TIMM23B: variants seen among roughly 807,000 people sequenced by gnomAD.
The protein encoded by TIMM23B is mitochondrial import inner membrane translocase subunit Tim23B.
A neutral mutation model predicts 27.3 loss-of-function variants in TIMM23B; 27 were observed. The ratio of observed to expected loss-of-function variants is 0.99; its 90% CI spans 0.73 to 1.36. The LOEUF (loss-of-function observed/expected upper bound fraction) is 1.36, where lower values mean the gene tolerates loss of function less well. Ranked by LOEUF, TIMM23B falls within the 40% of genes most tolerant of loss-of-function variation. The pLI is 0.00. For missense variants in TIMM23B, 205 were observed against 244.2 expected (o/e 0.84, Z 1.07); for synonymous variants, 73 against 92.4 (o/e 0.79, Z 1.21).
intron 3 of TIMM23B, 43 bp downstream of exon 3, chr10:49,952,262 T>C: frequency 1.3e-6 from 2 of 1,546,462 alleles, no homozygotes; most frequent in Admixed American, 1.7e-5. Context: ...TCAGTTCAAG[T>C]AGTTGAGGGT....
At chr10:49,956,884 AAC>A (rs1416036436) in intron 5 of TIMM23B, among the ~76,000 whole-genome samples, 1 of 147,922 alleles carries the variant, frequency 6.8e-6, no homozygotes, top group Non-Finnish European at 1.5e-5. Context: ...GAAAAAAAAA[AAC>A]AGTTTTTCCT....
Position 49,948,383 on chromosome 10 carries a change from A to G in TIMM23B, c.165+3293A>G, listed in dbSNP as rs1171133564. ...CTTGCGTATACTCCATACTCAAGAGAATTGAAAACCTCTGTGCACATAAGT... is the reference window on the plus strand; with the variant it reads ...CTTGCGTATACTCCATACTCAAGAGGATTGAAAACCTCTGTGCACATAAGT... On this transcript the variant is annotated intron_variant, in intron 2 of 6. Coordinates refer to ENST00000651259, the MANE Select transcript of TIMM23B (RefSeq NM_001290117.2). Among the ~76,000 whole-genome samples, 7 of 152,140 alleles carry G rather than the reference A, an allele frequency of 4.6e-5. No homozygotes were observed. The East Asian group carries it at 1.2e-3, about 25-fold the overall frequency.
rs1839813410 is a variant in TIMM23B, at chr10:49,959,015, A to G, written c.514+535A>G. Among the ~76,000 whole-genome samples, 7 of 152,320 alleles carry G rather than the reference A, an allele frequency of 4.6e-5. No homozygotes were observed. In the South Asian group the frequency reaches 1.4e-3, roughly 32 times the overall value. ...TGCATGTGCATTCTTTTATCAAGGA[A>G]TATTTGGGTTGCTTCTACCTTTTGG... On this transcript the variant is annotated intron_variant, in intron 6 of 6. Transcript: ENST00000651259.
Position 49,952,206 on chromosome 10 carries a change from G to C in TIMM23B, c.246G>C (p.Gly82=), listed in dbSNP as rs1255279171. 1.6e-3 allele frequency: 2,494 copies of C among 1,606,108 alleles called. 48 individuals carry two copies. In the South Asian group the frequency reaches 0.025, roughly 16 times the overall value. Residue 82 remains glycine, a synonymous_variant, in exon 3 of 7, where the codon GGG becomes GGC. Transcript: ENST00000651259. ...AGCTGGCCTTCTTTACGATTGGAGG[G>C]TGTTGCATGACAGGTGAGTGTTACA... ...RFELAFFTIG[G]CCMTGAAFGA...
chr10:49,962,242 C>T (rs1373719587), intron 6 of TIMM23B, among the ~76,000 whole-genome samples: 4 of 148,384 alleles, frequency 2.7e-5, no homozygotes, highest in Non-Finnish European at 5.9e-5. Flanking sequence ...TTTGCTCTGT[C>T]GCCAGGCTGC....
At chr10:49,944,592 ATAGT>A (rs1283631437) in intron 1 of TIMM23B, among the ~76,000 whole-genome samples, 242 of 152,214 alleles carry the variant, frequency 1.6e-3, no homozygotes, top group African/African-American at 4.5e-3. Context: ...CTGCCTTGAA[ATAGT>A]TAGATACAAC....
intron 1 of TIMM23B, among the ~76,000 whole-genome samples, chr10:49,944,073 G>A (rs1447694301): frequency 1.3e-5 from 2 of 152,208 alleles, no homozygotes; most frequent in Non-Finnish European, 2.9e-5. Context: ...GTCTGTCTTC[G>A]TAGTTACAAG....
chr10:49,962,087 G>A (rs1345948944), intron 6 of TIMM23B, among the ~76,000 whole-genome samples: 9 of 151,932 alleles, frequency 5.9e-5, no homozygotes, highest in Admixed American at 4.6e-4. Context: ...GTAGACTCTC[G>A]TTAGGAGAAT....
At chr10:49,960,978 TAA>T (rs1839876704) in intron 6 of TIMM23B, among the ~76,000 whole-genome samples, 1 of 150,166 alleles carries the variant, frequency 6.7e-6, no homozygotes, top group Non-Finnish European at 1.5e-5. Context: ...TGAGGAAGAT[TAA>T]GTTAGAAGTA....
intron 1 of TIMM23B, among the ~76,000 whole-genome samples, chr10:49,944,121 T>C (rs1164000549): frequency 2.6e-5 from 4 of 152,122 alleles, no homozygotes; most frequent in African/African-American, 9.7e-5. Flanking sequence ...ATCAGAGAGG[T>C]AGGGAATGAC....
At chr10:49,967,412 C>A (rs1691320327) in intron 6 of TIMM23B, among the ~76,000 whole-genome samples, 1 of 152,086 alleles carries the variant, frequency 6.6e-6, no homozygotes, top group South Asian at 2.1e-4. Context: ...AAATTTATGT[C>A]TGTGCCCTGT....
rs1476267121 is a variant in TIMM23B at position 49,962,460 on chromosome 10, C to G, written c.514+3980C>G. 2.0e-5 allele frequency among the ~76,000 whole-genome samples: 3 copies of G among 152,282 alleles called. No homozygotes were observed. In the East Asian group the frequency reaches 5.8e-4, roughly 29 times the overall value. On this transcript the variant is annotated intron_variant, in intron 6 of 6. Coordinates refer to ENST00000651259, the MANE Select transcript of TIMM23B (RefSeq NM_001290117.2). ...TCATGATCCGCCCACCTCAGCCTCC[C>G]AAAGTGCTGGGATTACAGGCGTGAA...
intron 6 of TIMM23B, among the ~76,000 whole-genome samples, chr10:49,961,383 C>CAA (rs1228617217): frequency 1.9e-4 from 13 of 67,296 alleles, no homozygotes; most frequent in East Asian, 4.3e-4. Flanking sequence ...AACTCTGTCT[C>CAA]AAAAAAAAAA....
chr10:49,960,531 T>C (rs1444829755), intron 6 of TIMM23B, among the ~76,000 whole-genome samples: 1 of 152,182 alleles, frequency 6.6e-6, no homozygotes. Flanking sequence ...TTATATAGGT[T>C]AGCTCATTTA....
intron 4 of TIMM23B, among the ~76,000 whole-genome samples, chr10:49,954,740 T>C (rs1194678849): frequency 3.9e-5 from 5 of 127,526 alleles, no homozygotes; most frequent in Admixed American, 2.2e-4. Flanking sequence ...TTCCTTATTA[T>C]TATTATTATT....
chr10:49,972,965 C>T (rs1352986484), intron 6 of TIMM23B, 47 bp from the exon 7 acceptor site: 1 of 952,568 alleles, frequency 1.0e-6, no homozygotes, highest in Non-Finnish European at 1.6e-6. Flanking sequence ...ATCTCTTGTT[C>T]ATTTCTTGAT....
chr10:49,954,931 T>C (rs1839665129), intron 4 of TIMM23B, 71 bp from the exon 5 acceptor site: 1 of 1,589,254 alleles, frequency 6.3e-7, no homozygotes, highest in East Asian at 2.2e-5. Flanking sequence ...TAAATAGCCA[T>C]TATTGTTTTT....
At chr10:49,945,781 A>G (rs1335617498) in intron 2 of TIMM23B, among the ~76,000 whole-genome samples, 2 of 152,230 alleles carry the variant, frequency 1.3e-5, no homozygotes, top group Non-Finnish European at 2.9e-5. Flanking sequence ...GTATTGTGCC[A>G]TATCAATTTA....
chr10:49,969,441 A>G (rs1165335141), intron 6 of TIMM23B, among the ~76,000 whole-genome samples: 1 of 150,874 alleles, frequency 6.6e-6, no homozygotes, highest in Non-Finnish European at 1.5e-5. Flanking sequence ...TGTGTCAAAA[A>G]AAAAAAAAAA....
Sources: allele counts gnomAD v4.1 joint callset (sites outside exome capture counted in the v4.1 genomes callset), GRCh38; gene constraint gnomAD v4.1.1; transcripts MANE v1.5; gene names NCBI Gene and HGNC (gene_info 2026-07-23, HGNC 2026-07-21).